KCMF1: variants seen among roughly 807,000 people sequenced by gnomAD.
The protein encoded by KCMF1 is E3 ubiquitin-protein ligase KCMF1.
A neutral mutation model predicts 41.1 loss-of-function variants in KCMF1; 3 were observed. That is an observed-to-expected ratio of 0.07 (90% CI 0.03 to 0.19). The LOEUF (loss-of-function observed/expected upper bound fraction) is 0.19, where lower values mean the gene tolerates loss of function less well. Ranked by LOEUF, KCMF1 falls within the 10% of genes least tolerant of loss-of-function variation. The pLI is 1.00. For missense variants in KCMF1, 286 were observed against 488.9 expected (o/e 0.58, Z 3.91); for synonymous variants, 142 against 164.5 (o/e 0.86, Z 1.04).
chr2:85,024,553 TGAGAGA>T (rs377478206), intron 1 of KCMF1, among the ~76,000 whole-genome samples: 2,062 of 141,732 alleles, frequency 0.015, 41 homozygotes, highest in African/African-American at 0.044. Flanking sequence ...ATTTGGAGAG[TGAGAGA>T]GAGAGAGAGA....
Position 85,053,287 on chromosome 2 carries a change from G to T in KCMF1, c.1024G>T (p.Gly342Trp), listed in dbSNP as rs775773719. The T allele has an allele frequency of 6.2e-7, 1 of 1,613,830 alleles. No homozygotes were observed. Among genetic ancestry groups the T allele is most frequent in the Non-Finnish European group, 8.5e-7 (1 of 1,179,894 alleles). Residue 342 changes from glycine (G) to tryptophan (W), a missense_variant, in exon 7 of 7, where the codon GGG becomes TGG. Gly to Trp is a radical substitution (Grantham distance 184). This residue lies in a region of KCMF1 where 191 missense variants were observed against 279.3 expected (regional missense o/e 0.68). Coordinates refer to ENST00000409785, the MANE Select transcript of KCMF1 (RefSeq NM_020122.5). Reference sequence around the variant, plus strand: ...CTCATCCTCAGATGAGGATGATCGGGGGGAGATGGCAGATTTTGGTGCTAT... The same window carrying T: ...CTCATCCTCAGATGAGGATGATCGGTGGGAGATGGCAGATTTTGGTGCTAT... ...ESSSSDEDDR[G>W]EMADFGAMGC... is the part of the protein sequence containing the mutation.
intron 1 of KCMF1, among the ~76,000 whole-genome samples, chr2:84,998,917 C>CCTATCTATCTAT (rs4019937): frequency 1.5e-4 from 14 of 96,146 alleles, no homozygotes; most frequent in South Asian, 3.5e-4. Context: ...GGGCCTCTTA[C>CCTATCTATCTAT]CTATCTATCT....
intron 3 of KCMF1, among the ~76,000 whole-genome samples, chr2:85,042,204 T>A (rs1675557311): frequency 6.6e-6 from 1 of 152,238 alleles, no homozygotes; most frequent in Non-Finnish European, 1.5e-5. Context: ...TGAGGATATT[T>A]CTCAGAGTCC....
intron 2 of KCMF1, among the ~76,000 whole-genome samples, chr2:85,033,643 AT>A (rs915770658): frequency 2.0e-5 from 3 of 152,172 alleles, no homozygotes; most frequent in Non-Finnish European, 4.4e-5. Context: ...GAGAGCGAGA[AT>A]TCACTCCTGA....
intron 1 of KCMF1, among the ~76,000 whole-genome samples, chr2:85,003,208 T>G (rs1307710544): frequency 1.3e-5 from 2 of 152,178 alleles, no homozygotes; most frequent in African/African-American, 4.8e-5. Flanking sequence ...GCGCGGTGGC[T>G]CACGCCTGTA....
chr2:84,983,298 A>G (rs1673810681), intron 1 of KCMF1, among the ~76,000 whole-genome samples: 1 of 152,082 alleles, frequency 6.6e-6, no homozygotes, highest in African/African-American at 2.4e-5. Context: ...ATTGTTTATG[A>G]TATATTTACA....
Position 85,053,287 on chromosome 2 carries a change from G to A in KCMF1, c.1024G>A (p.Gly342Arg), listed in dbSNP as rs775773719. ...CTCATCCTCAGATGAGGATGATCGG[G>A]GGGAGATGGCAGATTTTGGTGCTAT... ...ESSSSDEDDR[G>R]EMADFGAMGC... Residue 342 changes from glycine (G) to arginine (R), a missense_variant, in exon 7 of 7, where the codon GGG (glycine) becomes AGG (arginine). By Grantham distance (125) the Gly-to-Arg change is moderately radical. Coordinates refer to ENST00000409785, the MANE Select transcript of KCMF1 (RefSeq NM_020122.5). The A allele has an allele frequency of 3.7e-6, 6 of 1,613,830 alleles. No individual in the cohort carries two copies. Among genetic ancestry groups the A allele is most frequent in the Non-Finnish European group, 4.2e-6 (5 of 1,179,894 alleles).
intron 1 of KCMF1, among the ~76,000 whole-genome samples, chr2:85,027,097 G>A (rs569964063): frequency 2.5e-4 from 38 of 152,246 alleles, no homozygotes; most frequent in African/African-American, 8.9e-4. Flanking sequence ...CTAGGGCAGG[G>A]GGCTTTCACT....
At chr2:84,990,977 G>A (rs1674027762) in intron 1 of KCMF1, among the ~76,000 whole-genome samples, 1 of 152,136 alleles carries the variant, frequency 6.6e-6, no homozygotes, top group Non-Finnish European at 1.5e-5. Flanking sequence ...AACCACTTGT[G>A]TTCGAGATCA....
At chr2:85,047,490 T>A (rs1361803249) in intron 5 of KCMF1, among the ~76,000 whole-genome samples, 2 of 151,782 alleles carry the variant, frequency 1.3e-5, no homozygotes, top group Non-Finnish European at 2.9e-5. Flanking sequence ...TAAGCTCTTC[T>A]CATGGAAGAA....
At chr2:84,977,254 T>A (rs1226516919) in intron 1 of KCMF1, among the ~76,000 whole-genome samples, 1 of 152,182 alleles carries the variant, frequency 6.6e-6, no homozygotes, top group Non-Finnish European at 1.5e-5. Context: ...GTTTTGGGAT[T>A]TGGGGACTGC....
intron 1 of KCMF1, among the ~76,000 whole-genome samples, chr2:85,014,724 C>T (rs554498976): frequency 2.1e-3 from 292 of 138,298 alleles, no homozygotes; most frequent in African/African-American, 7.1e-3. Context: ...TGCGTGCGTG[C>T]GTGTGTGTGT....
At chr2:84,987,948 C>A (rs960572567) in intron 1 of KCMF1, among the ~76,000 whole-genome samples, 1 of 152,116 alleles carries the variant, frequency 6.6e-6, no homozygotes, top group African/African-American at 2.4e-5. Flanking sequence ...CTGCCGGGCA[C>A]AGTGGCTCAC....
chr2:85,024,288 C>T (rs560423767), intron 1 of KCMF1, among the ~76,000 whole-genome samples: 2 of 152,258 alleles, frequency 1.3e-5, no homozygotes, highest in African/African-American at 2.4e-5. Flanking sequence ...GCCTGGCCAA[C>T]GTGGTGAAAC....
intron 1 of KCMF1, among the ~76,000 whole-genome samples, chr2:85,003,497 G>A (rs1308453462): frequency 6.6e-6 from 1 of 151,562 alleles, no homozygotes; most frequent in East Asian, 1.9e-4. Context: ...AATAAGTCTT[G>A]TTTTACATAC....
At chr2:85,014,642 A>G (rs775942858) in intron 1 of KCMF1, among the ~76,000 whole-genome samples, 5 of 149,846 alleles carry the variant, frequency 3.3e-5, no homozygotes, top group Non-Finnish European at 7.4e-5. Context: ...AGCAGTTTCT[A>G]TCTAGTGTGC....
intron 1 of KCMF1, among the ~76,000 whole-genome samples, chr2:84,996,199 A>G (rs953757818): frequency 2.6e-5 from 4 of 152,176 alleles, no homozygotes; most frequent in African/African-American, 9.7e-5. Flanking sequence ...TTTGACAGTT[A>G]TGTGAAAGGT....
intron 1 of KCMF1, among the ~76,000 whole-genome samples, chr2:84,983,744 C>T (rs190287280): frequency 3.2e-4 from 48 of 152,272 alleles, no homozygotes; most frequent in Non-Finnish European, 5.9e-4. Context: ...CTCCTAACCT[C>T]AGGTGATCCA....
rs535457109 is a variant in KCMF1, at chr2:85,014,700, GGCGC to G, written c.17-13183_17-13180del. ...AATTGCACATGTATATGGAAATACT[GGCGC>G]GCGCGTGCGTGCGTGCGTGCGTGTG... On this transcript the variant is annotated intron_variant, in intron 1 of 6. Coordinates refer to ENST00000409785, the MANE Select transcript of KCMF1 (RefSeq NM_020122.5). Among the ~76,000 whole-genome samples the G allele has an allele frequency of 3.5e-4, 51 of 147,086 alleles. 1 individual carries two copies. Among genetic ancestry groups the G allele is most frequent in the South Asian group, 2.2e-3 (10 of 4,636 alleles).
Sources: allele counts gnomAD v4.1 joint callset (sites outside exome capture counted in the v4.1 genomes callset), GRCh38; gene constraint gnomAD v4.1.1; regional missense constraint gnomAD v4.1.1; transcripts MANE v1.5; gene names NCBI Gene and HGNC (gene_info 2026-07-23, HGNC 2026-07-21).